The following ERLIN2 variants were observed in gnomAD, a reference collection of about 807,000 sequenced individuals.
ERLIN2 encodes the protein erlin-2.
Under a neutral mutation model 41.5 loss-of-function variants are expected in ERLIN2, and 22 were observed. The observed-to-expected ratio is 0.53, with a 90% CI of 0.38 to 0.76. The LOEUF (loss-of-function observed/expected upper bound fraction) is 0.76, where lower values mean the gene tolerates loss of function less well. Among genes scored for constraint, ERLIN2 ranks in the 30% least tolerant of loss-of-function variants. The pLI is 0.00. For synonymous variants in ERLIN2, 149 were observed against 150.9 expected (o/e 0.99, Z 0.09); for missense variants, 247 against 414.3 (o/e 0.60, Z 3.51).
At chr8:37,742,210 G>T (rs970924310) in intron 4 of ERLIN2, among the ~76,000 whole-genome samples, 3 of 152,064 alleles carry the variant, frequency 2.0e-5, no homozygotes, top group Non-Finnish European at 2.9e-5. Context: ...GTGTGGTGGT[G>T]CATGCATGTA....
chr8:37,745,311 C>T, intron 6 of ERLIN2: 1 of 537,426 alleles, frequency 1.9e-6, no homozygotes, highest in South Asian at 2.5e-5. Flanking sequence ...TTTTTTTACT[C>T]TGTACCTGTA....
intron 10 of ERLIN2, 29 bp downstream of exon 10, chr8:37,751,744 T>C (rs1040227073): frequency 7.8e-6 from 12 of 1,543,114 alleles, no homozygotes; most frequent in Non-Finnish European, 1.1e-5. Context: ...CATGCCTGAG[T>C]CCTCCTCAGA....
At chr8:37,742,001 G>T (rs1259655267) in intron 4 of ERLIN2, among the ~76,000 whole-genome samples, 183 bp downstream of exon 4, 1 of 152,122 alleles carries the variant, frequency 6.6e-6, no homozygotes, top group Admixed American at 6.5e-5. Flanking sequence ...GAAGGTTCAG[G>T]AGGGGCTAGA....
At position 37,744,285 on chromosome 8, in the gene ERLIN2, C is replaced by T. The variant is rs188527359; in HGVS notation, c.237-70C>T. The T allele has an allele frequency of 2.8e-5, 37 of 1,300,598 alleles. No individual in the cohort carries two copies. The East Asian group carries it at 8.5e-4, about 30-fold the overall frequency. 80.6% of individuals were successfully genotyped at this position (1,300,598 alleles called of 1,614,324 possible). ...TTCTGCCAAGCCCCACATCTTACGC[C>T]ATCACCCTGGGGGACTGCACCATAT... On this transcript the variant is annotated intron_variant, in intron 4 of 11. Transcript: ENST00000519638.
intron 6 of ERLIN2, chr8:37,746,496 TG>T: frequency 3.1e-6 from 3 of 979,452 alleles, no homozygotes; most frequent in Non-Finnish European, 3.6e-6. Context: ...ATAATACCTA[TG>T]TATACAACAC....
rs200831640 is a variant in ERLIN2 at position 37,744,752 on chromosome 8, G to C, written c.424+56G>C. The C allele has an allele frequency of 1.2e-6, 2 of 1,600,678 alleles. 1 individual carries two copies. The highest frequency in any genetic ancestry group is 2.2e-5 in the South Asian group (2 of 90,784). On this transcript the variant is annotated intron_variant, in intron 6 of 11. Transcript: ENST00000519638. ...TTAAGCAGGGTTCCTGGAACCCCGCGTCTCTCCACTGCCTAAAGCCTGGCT... is the reference window on the plus strand; with the variant it reads ...TTAAGCAGGGTTCCTGGAACCCCGCCTCTCTCCACTGCCTAAAGCCTGGCT...
chr8:37,752,456 G>C (rs969915303), intron 10 of ERLIN2, among the ~76,000 whole-genome samples: 2 of 152,208 alleles, frequency 1.3e-5, no homozygotes, highest in Non-Finnish European at 2.9e-5. Context: ...GGATTTCACA[G>C]ATCAGTGGCT....
rs1803316142 is a variant in ERLIN2 at position 37,754,755 on chromosome 8, T to C, written c.*640T>C. Reference sequence around the variant, plus strand: ...CTTGCCCTAGGGCTCAGAGTGGTGGTTTCTGACTACATTTCTAGAGTCAGA... The same window carrying C: ...CTTGCCCTAGGGCTCAGAGTGGTGGCTTCTGACTACATTTCTAGAGTCAGA... On this transcript the variant is annotated 3_prime_UTR_variant, in exon 12 of 12. Transcript: ENST00000519638. 1.9e-5 allele frequency: 3 copies of C among 155,360 alleles called. No individual in the cohort carries two copies. Among genetic ancestry groups the C allele is most frequent in the African/African-American group, 7.2e-5 (3 of 41,468 alleles). The allele number at this position is 155,360 out of a possible 1,614,324, so 9.6% of individuals were successfully genotyped here.
intron 10 of ERLIN2, among the ~76,000 whole-genome samples, chr8:37,752,864 G>C (rs901420009): frequency 6.6e-6 from 1 of 152,252 alleles, no homozygotes; most frequent in African/African-American, 2.4e-5. Flanking sequence ...AATCGCGCCA[G>C]CTTAATCACT....
chr8:37,746,602 T>G, intron 6 of ERLIN2: 1 of 872,862 alleles, frequency 1.1e-6, no homozygotes, highest in Non-Finnish European at 1.4e-6. Flanking sequence ...ATCCCTCCTA[T>G]GTATCCATGC....
chr8:37,737,710 T>G, intron 1 of ERLIN2, 198 bp from the exon 2 acceptor site: 1 of 603,572 alleles, frequency 1.7e-6, no homozygotes, highest in East Asian at 3.0e-5. Context: ...GTGGGGGCTC[T>G]AATTTTACAG....
rs181232693 is a variant in ERLIN2 at position 37,757,460 on chromosome 8, A to C, written c.*3345A>C. The C allele has an allele frequency of 1.2e-3, 180 of 152,256 alleles. No individual in the cohort carries two copies. Among genetic ancestry groups the C allele is most frequent in the African/African-American group, 4.2e-3 (173 of 41,538 alleles). 9.4% of individuals were successfully genotyped at this position (152,256 alleles called of 1,614,324 possible). On this transcript the variant is annotated 3_prime_UTR_variant, in exon 12 of 12. Transcript: ENST00000519638. ...TGTAGACTGATGATTAAGTAGGCAA[A>C]CTACTTCTACTTTCAAAGAGCCCCA...
chr8:37,739,373 T>C (rs541565763), intron 2 of ERLIN2, among the ~76,000 whole-genome samples: 58 of 152,378 alleles, frequency 3.8e-4, no homozygotes, highest in African/African-American at 1.3e-3. Context: ...GGTCATGTCA[T>C]TGGACTCCAG....
Position 37,747,605 on chromosome 8 carries a change from G to T in ERLIN2, c.425-1954G>T, listed in dbSNP as rs528423530. The T allele has an allele frequency of 7.4e-6, 12 of 1,611,850 alleles. No homozygotes were observed. The East Asian group carries it at 2.5e-4, about 33-fold the overall frequency. ...ACCTTCTTAGGAGGCTCTTGTTTCT[G>T]AGTATATATGTTCGTTTTCCCAAAG... is the stretch of plus-strand genomic sequence containing the variant. On this transcript the variant is annotated intron_variant, in intron 6 of 11. Transcript: ENST00000519638.
intron 8 of ERLIN2, 158 bp downstream of exon 8, chr8:37,750,010 G>A: frequency 1.4e-6 from 1 of 731,108 alleles, no homozygotes; most frequent in Non-Finnish European, 2.5e-6. Flanking sequence ...AGGCGTGTCA[G>A]GGCCACCACT....
chr8:37,750,532 G>C, intron 9 of ERLIN2, 46 bp downstream of exon 9: 1 of 1,523,418 alleles, frequency 6.6e-7, no homozygotes, highest in Non-Finnish European at 9.1e-7. Flanking sequence ...AGAAAGGCTG[G>C]GGGTGGTGGG....
intron 8 of ERLIN2, 116 bp from the exon 9 acceptor site, chr8:37,750,279 C>CA: frequency 1.3e-6 from 1 of 792,544 alleles, no homozygotes; most frequent in South Asian, 1.5e-5. Context: ...AACAGCCTTC[C>CA]AGGAGGAGTA....
chr8:37,741,221 C>T lies in ERLIN2; in HGVS notation c.190-551C>T, dbSNP rs1802840692. Among the ~76,000 whole-genome samples, 1 of 152,124 alleles carries T rather than the reference C, an allele frequency of 6.6e-6. No homozygotes were observed. The highest frequency in any genetic ancestry group is 2.4e-5 in the African/African-American group (1 of 41,412). ...TTCACTTTCCACAGGCTCAGTTACC[C>T]ACAATAAACCATGGTCTGAAAACAG... On this transcript the variant is annotated intron_variant, in intron 3 of 11. Coordinates refer to ENST00000519638, the MANE Select transcript of ERLIN2 (RefSeq NM_007175.8). The surrounding 1 kb of genome is among the most constrained non-coding windows in gnomAD (Gnocchi z 4.8).
chr8:37,745,487 A>T, intron 6 of ERLIN2: 1 of 1,367,186 alleles, frequency 7.3e-7, no homozygotes, highest in South Asian at 1.2e-5. Flanking sequence ...TTCTGTTTAA[A>T]CTCACTGCCA....
Sources: allele counts gnomAD v4.1 joint callset (sites outside exome capture counted in the v4.1 genomes callset), GRCh38; gene constraint gnomAD v4.1.1; non-coding constraint Gnocchi (gnomAD v3.1); transcripts MANE v1.5; gene names NCBI Gene and HGNC (gene_info 2026-07-23, HGNC 2026-07-21).